Variants in ING2 observed in about 807,000 individuals in gnomAD.
The protein encoded by ING2 is inhibitor of growth family member 2.
A neutral mutation model predicts 30.6 loss-of-function variants in ING2; 7 were observed. The ratio of observed to expected loss-of-function variants is 0.23; its 90% CI spans 0.13 to 0.43. The LOEUF is 0.43. Among genes scored for constraint, ING2 ranks in the 20% least tolerant of loss-of-function variants. The probability of loss-of-function intolerance (pLI) is 1.00; values close to 1 mark genes in which losing one functional copy is unlikely to be tolerated. For missense variants in ING2, 239 were observed against 334.9 expected (o/e 0.71, Z 2.24); for synonymous variants, 136 against 121.7 (o/e 1.12, Z -0.78).
chr4:183,506,039 G>A, intron 1 of ING2: 2 of 1,067,504 alleles, frequency 1.9e-6, no homozygotes, highest in Non-Finnish European at 2.3e-6. Context: ...TGGCGGGGAG[G>A]GCCCCCGCGC....
At chr4:183,507,872 A>G (rs900408915) in intron 1 of ING2, among the ~76,000 whole-genome samples, 1 of 152,202 alleles carries the variant, frequency 6.6e-6, no homozygotes, top group Non-Finnish European at 1.5e-5. Flanking sequence ...AATGAGAAAT[A>G]AAGAAGAAAA....
intron 1 of ING2, 120 bp downstream of exon 1, chr4:183,505,487 G>A: frequency 1.0e-6 from 1 of 997,138 alleles, no homozygotes; most frequent in Non-Finnish European, 1.4e-6. Context: ...TGCCGAGCGG[G>A]ACTGGGAGGA....
Position 183,505,381 on chromosome 4 carries a change from G to T in ING2, c.172+14G>T. The T allele has an allele frequency of 6.6e-7, 1 of 1,515,334 alleles. No homozygotes were observed. The highest frequency in any genetic ancestry group is 8.9e-7 in the Non-Finnish European group (1 of 1,128,412). 93.9% of individuals were successfully genotyped at this position (1,515,334 alleles called of 1,614,324 possible). A position where few individuals can be genotyped will look rare whatever the true frequency, so the allele number is the denominator to read the frequency against. ...ACAAATATCAAGGTAGGAGCCGCGG[G>T]GCTGCCGGCCTCGGGAGCCGGTGGC... On this transcript the variant is annotated intron_variant, in intron 1 of 1. Coordinates refer to ENST00000302327, the MANE Select transcript of ING2 (RefSeq NM_001564.4).
chr4:183,506,383 C>T, intron 1 of ING2: 2 of 1,115,414 alleles, frequency 1.8e-6, no homozygotes, highest in South Asian at 1.3e-5. Flanking sequence ...ACTGGGCAAC[C>T]GCCTGGCGTC....
At chr4:183,505,851 C>A (rs940896204) in intron 1 of ING2, among the ~76,000 whole-genome samples, 1 of 151,974 alleles carries the variant, frequency 6.6e-6, no homozygotes, top group Non-Finnish European at 1.5e-5. Context: ...GCCGCGGAGG[C>A]GGACTGAGGG....
intron 1 of ING2, chr4:183,506,445 C>A: frequency 1.8e-6 from 1 of 565,760 alleles, no homozygotes; most frequent in Non-Finnish European, 3.0e-6. Flanking sequence ...CCACCCTTTG[C>A]CGGCCGACCC....
At chr4:183,505,764 G>T (rs761820835) in intron 1 of ING2, among the ~76,000 whole-genome samples, 20 of 152,128 alleles carry the variant, frequency 1.3e-4, no homozygotes, top group Admixed American at 3.9e-4. Context: ...CTGGTCTGCG[G>T]GGCGCGCTTC....
intron 1 of ING2, among the ~76,000 whole-genome samples, chr4:183,507,591 A>G (rs4862213): frequency 0.18 from 27,496 of 152,166 alleles, 3,194 homozygotes; most frequent in Middle Eastern, 0.28. Flanking sequence ...AGATTATACA[A>G]ATTCTTAGCT....
chr4:183,506,084 G>A (rs1230973410), intron 1 of ING2: 3 of 1,187,766 alleles, frequency 2.5e-6, no homozygotes, highest in East Asian at 6.9e-5. Flanking sequence ...CGAGGGGCGT[G>A]GGAGGGGCGC....
At position 183,510,681 on chromosome 4, in the gene ING2, G is replaced by A; in HGVS notation, c.572G>A (p.Arg191His). The A allele has an allele frequency of 2.5e-6, 4 of 1,614,138 alleles. No individual in the cohort carries two copies. The highest frequency in any genetic ancestry group is 3.4e-6 in the Non-Finnish European group (4 of 1,180,020). The change falls in exon 2 of 2, where the codon CGC becomes CAC. Residue 191 changes from arginine (R) to histidine (H), a missense_variant. This residue lies in a region of ING2 where 115 missense variants were observed against 120.1 expected (regional missense o/e 0.96). Coordinates refer to ENST00000302327, the MANE Select transcript of ING2 (RefSeq NM_001564.4). ...TCCAAGTCAGCAAAGAAAAAGAAAC[G>A]CTCCAAGGCCAAGCAGGAAAGGGAA... The part of the protein sequence containing the change: ...KKSKSAKKKK[R>H]SKAKQEREAS...
At position 183,505,072 on chromosome 4, in the gene ING2, C is replaced by A. The variant is rs967795862; in HGVS notation, c.-124C>A. The A allele has an allele frequency of 1.2e-6, 1 of 865,928 alleles. No individual in the cohort carries two copies. Among genetic ancestry groups the A allele is most frequent in the South Asian group, 3.3e-5 (1 of 29,976 alleles). The allele number at this position is 865,928 out of a possible 1,614,324, so 53.6% of individuals were successfully genotyped here. A position where few individuals can be genotyped will look rare whatever the true frequency, so the allele number is the denominator to read the frequency against. On this transcript the variant is annotated 5_prime_UTR_variant, in exon 1 of 2. Coordinates refer to ENST00000302327, the MANE Select transcript of ING2 (RefSeq NM_001564.4). The stretch of plus-strand genomic sequence containing the variant: ...TGGAGATCGGGGAGCGCGGCCGTGC[C>A]CTCTCGAGCGGCTGCGGGGTCCCCG...
intron 1 of ING2, chr4:183,506,319 G>T (rs1259964700): frequency 1.0e-5 from 13 of 1,303,432 alleles, no homozygotes; most frequent in African/African-American, 1.5e-5. Flanking sequence ...CTGGCTCCGC[G>T]TAGGTTCCGG....
At chr4:183,505,520 T>A (rs1734614468) in intron 1 of ING2, among the ~76,000 whole-genome samples, 153 bp downstream of exon 1, 1 of 151,624 alleles carries the variant, frequency 6.6e-6, no homozygotes, top group Admixed American at 6.6e-5. Context: ...TTGGCGGCCC[T>A]CCGTGGCCCC....
In ING2 at chr4:183,507,010, C is replaced by A. The variant is rs542135393; in HGVS notation, c.172+1643C>A. ...GATTTCTACAGATATGGAGCACAAA[C>A]ATGAATGGTAACCTAAAAATGATAC... On this transcript the variant is annotated intron_variant, in intron 1 of 1. Coordinates refer to ENST00000302327, the MANE Select transcript of ING2 (RefSeq NM_001564.4). Among the ~76,000 whole-genome samples the A allele has an allele frequency of 5.9e-3, 897 of 152,310 alleles. 7 individuals are homozygous for A. The highest frequency in any genetic ancestry group is 0.021 in the African/African-American group (865 of 41,574).
At chr4:183,509,824 TC>T (rs1312376803) in intron 1 of ING2, among the ~76,000 whole-genome samples, 3 of 149,424 alleles carry the variant, frequency 2.0e-5, no homozygotes, top group Non-Finnish European at 4.4e-5. Context: ...ACCTCCGCCT[TC>T]CGGGTTCAAG....
intron 1 of ING2, chr4:183,506,287 G>A (rs1734644618): frequency 7.7e-7 from 1 of 1,304,312 alleles, no homozygotes; most frequent in Non-Finnish European, 1.0e-6. Context: ...ACGGCGATCA[G>A]CAGCTCGGAC....
intron 1 of ING2, among the ~76,000 whole-genome samples, chr4:183,508,165 T>G (rs1279497946): frequency 6.6e-6 from 1 of 151,956 alleles, no homozygotes; most frequent in Non-Finnish European, 1.5e-5. Flanking sequence ...CTGTGGAGAT[T>G]AACTGAGAAA....
In ING2 at chr4:183,506,503, A is replaced by G. The variant is rs73870579; in HGVS notation, c.172+1136A>G. ...CTTCCTTACAGTGTTACCACCTACT[A>G]TCGGTGGTGCTACTAGGAGGGCAGT... On this transcript the variant is annotated intron_variant, in intron 1 of 1. Coordinates refer to ENST00000302327, the MANE Select transcript of ING2 (RefSeq NM_001564.4). Among the ~76,000 whole-genome samples, 228 of 152,264 alleles carry G rather than the reference A, an allele frequency of 1.5e-3. 1 individual carries two copies. The highest frequency in any genetic ancestry group is 5.2e-3 in the African/African-American group (216 of 41,554).
In ING2 at chr4:183,505,355, A is replaced by G; in HGVS notation, c.160A>G (p.Asn54Asp). ...RNVSVLRELD[N>D]KYQETLKEID... is the part of the protein sequence containing the mutation. ...CGTGTCTGTGCTGCGAGAGCTGGACAACAAATATCAAGGTAGGAGCCGCGG... is the reference window on the plus strand; with the variant it reads ...CGTGTCTGTGCTGCGAGAGCTGGACGACAAATATCAAGGTAGGAGCCGCGG... The change falls in exon 1 of 2, where the codon AAC (asparagine) becomes GAC (aspartate). Residue 54 changes from asparagine to aspartate, a missense_variant. By Grantham distance (23) the Asn-to-Asp change is conservative. This residue lies in a region of ING2 where 80 missense variants were observed against 102.4 expected (regional missense o/e 0.78). Coordinates refer to ENST00000302327, the MANE Select transcript of ING2 (RefSeq NM_001564.4). The G allele has an allele frequency of 6.5e-7, 1 of 1,538,006 alleles. No individual in the cohort carries two copies. The highest frequency in any genetic ancestry group is 8.8e-7 in the Non-Finnish European group (1 of 1,141,548).
Sources: allele counts gnomAD v4.1 joint callset (sites outside exome capture counted in the v4.1 genomes callset), GRCh38; gene constraint gnomAD v4.1.1; regional missense constraint gnomAD v4.1.1; transcripts MANE v1.5; gene names NCBI Gene and HGNC (gene_info 2026-07-23, HGNC 2026-07-21).